CDH12: variants seen among roughly 807,000 people sequenced by gnomAD.
CDH12 encodes the protein cadherin 12.
A neutral mutation model predicts 74.1 loss-of-function variants in CDH12; 41 were observed. The observed-to-expected ratio is 0.55, with a 90% CI of 0.43 to 0.72. CDH12 has a LOEUF of 0.72. CDH12 is among the 30% of genes least tolerant of loss of function. CDH12 has a pLI of 0.00. For missense variants in CDH12, 945 were observed against 977.2 expected, an observed-to-expected ratio of 0.97 and a Z score of 0.44; for synonymous variants, 399 against 355.0, an observed-to-expected ratio of 1.12 and a Z score of -1.39.
chr5:21,872,999 T>C (rs1003255507), intron 6 of CDH12, among the ~76,000 whole-genome samples: 1 of 152,048 alleles, frequency 6.6e-6, no homozygotes, highest in South Asian at 2.1e-4. Flanking sequence ...ATGTGTATTA[T>C]ATATATGCAT....
chr5:22,257,805 T>G (rs867089722), intron 3 of CDH12, among the ~76,000 whole-genome samples: 3 of 152,086 alleles, frequency 2.0e-5, no homozygotes, highest in Admixed American at 6.6e-5. Context: ...TGCAAATTTT[T>G]TTTGTGTGTG....
intron 11 of CDH12, among the ~76,000 whole-genome samples, chr5:21,782,626 A>G (rs1233917515): frequency 6.6e-6 from 1 of 152,202 alleles, no homozygotes. Context: ...GACCATAAGT[A>G]AAAGGAATGG....
chr5:22,702,316 T>C (rs1293823055), intron 1 of CDH12, among the ~76,000 whole-genome samples: 1 of 152,122 alleles, frequency 6.6e-6, no homozygotes, highest in Non-Finnish European at 1.5e-5. Context: ...AGAAAGTTCA[T>C]ATTTCGTCAC....
intron 1 of CDH12, among the ~76,000 whole-genome samples, chr5:22,519,262 A>C (rs1015920742): frequency 6.6e-6 from 1 of 152,072 alleles, no homozygotes; most frequent in Non-Finnish European, 1.5e-5. Context: ...TGTTTTTTTA[A>C]AAGTATCTAT....
At chr5:22,122,184 C>T (rs1330357126) in intron 4 of CDH12, among the ~76,000 whole-genome samples, 1 of 152,102 alleles carries the variant, frequency 6.6e-6, no homozygotes, top group Non-Finnish European at 1.5e-5. Flanking sequence ...GGGTGAATCA[C>T]CTGAGGTCAG....
In CDH12 at chr5:21,752,020, G is replaced by C. The variant is rs1380331366; in HGVS notation, c.2102C>G (p.Pro701Arg). The C allele has an allele frequency of 6.2e-7, 1 of 1,614,076 alleles. No homozygotes were observed. Among genetic ancestry groups the C allele is most frequent in the Non-Finnish European group, 8.5e-7 (1 of 1,179,988 alleles). Reference sequence around the variant, plus strand: ...ATCTTCCATGGGTGGTCTCTGACGAGGTAAACAGAGAGAGTCTGGTTTTAT... The same window carrying C: ...ATCTTCCATGGGTGGTCTCTGACGACGTAAACAGAGAGAGTCTGGTTTTAT... Reference protein sequence around the residue: ...RDIKPDSLCLPRQRPPMEDNT... With the variant: ...RDIKPDSLCLRRQRPPMEDNT... Residue 701 changes from proline to arginine, a missense_variant, in exon 15 of 15, where the codon CCT becomes CGT. Physicochemically the swap from Pro to Arg is moderately radical, Grantham distance 103. Around this residue, in one of 3 missense-constraint regions of CDH12, gnomAD observed 791 missense variants for 792.8 expected, o/e 1.00. Transcript: ENST00000382254.
chr5:22,438,064 G>T (rs1315837175), intron 2 of CDH12, among the ~76,000 whole-genome samples: 1 of 151,842 alleles, frequency 6.6e-6, no homozygotes, highest in Non-Finnish European at 1.5e-5. Context: ...ACAATAATCA[G>T]AATCTATGGC....
At chr5:22,103,039 G>A (rs1341130728) in intron 4 of CDH12, among the ~76,000 whole-genome samples, 2 of 152,112 alleles carry the variant, frequency 1.3e-5, no homozygotes, top group Non-Finnish European at 2.9e-5. Flanking sequence ...GCTCGTGTAC[G>A]TTTCCCACTC....
intron 6 of CDH12, among the ~76,000 whole-genome samples, chr5:21,926,910 G>A (rs996269573): frequency 6.6e-6 from 1 of 152,156 alleles, no homozygotes; most frequent in Non-Finnish European, 1.5e-5. Context: ...AAAACATGGA[G>A]GAGGAGTTGG....
chr5:22,003,824 CAAAAAAAAAA>C lies in CDH12; in HGVS notation c.232-28449_232-28440del, dbSNP rs775995801. Among the ~76,000 whole-genome samples, 56 of 47,388 alleles carry C rather than the reference CAAAAAAAAAA, an allele frequency of 1.2e-3. No individual in the cohort carries two copies. The East Asian group carries it at 0.034, about 29-fold the overall frequency. 31.1% of individuals were successfully genotyped at this position (47,388 alleles called of 152,430 possible). A position where few individuals can be genotyped will look rare whatever the true frequency, so the allele number is the denominator to read the frequency against. The stretch of plus-strand genomic sequence containing the variant: ...AATGATCAGCAGGCCCCCGCTTCCA[CAAAAAAAAAA>C]AAAAAAAAAAAAAAGGATTTACATT... On this transcript the variant is annotated intron_variant, in intron 5 of 14. Transcript: ENST00000382254.
At chr5:22,176,212 T>C (rs1185798093) in intron 4 of CDH12, among the ~76,000 whole-genome samples, 1 of 152,000 alleles carries the variant, frequency 6.6e-6, no homozygotes, top group Admixed American at 6.6e-5. Context: ...TATATCTGAA[T>C]GCAGTGGCAA....
In CDH12 at chr5:22,836,128, G is replaced by T. The variant is rs577675578; in HGVS notation, c.-523+16930C>A. Among the ~76,000 whole-genome samples, 4 of 151,118 alleles carry T rather than the reference G, an allele frequency of 2.6e-5. No homozygotes were observed. In the East Asian group the frequency reaches 7.8e-4, roughly 29 times the overall value. Reference sequence around the variant, plus strand: ...AATTTCAAATAGTGCAAGAGGATTTGGACAAGGAATCAATGCCTACTCTAA... The same window carrying T: ...AATTTCAAATAGTGCAAGAGGATTTTGACAAGGAATCAATGCCTACTCTAA... On this transcript the variant is annotated intron_variant, in intron 1 of 14. Transcript: ENST00000382254.
At chr5:22,472,419 A>G (rs10941954) in intron 2 of CDH12, among the ~76,000 whole-genome samples, 83,413 of 151,902 alleles carry the variant, frequency 0.55, 23,121 homozygotes, top group Admixed American at 0.69. Flanking sequence ...CAGGACTGTG[A>G]CTGTCAGTGC....
At chr5:22,473,553 T>C (rs1002089305) in intron 2 of CDH12, among the ~76,000 whole-genome samples, 2 of 152,142 alleles carry the variant, frequency 1.3e-5, no homozygotes, top group Admixed American at 1.3e-4. Flanking sequence ...AATGATGATA[T>C]AGAAGTAATG....
At chr5:22,696,230 G>A (rs190017973) in intron 1 of CDH12, among the ~76,000 whole-genome samples, 9 of 152,026 alleles carry the variant, frequency 5.9e-5, no homozygotes, top group Admixed American at 1.3e-4. Flanking sequence ...AATTAGCCGG[G>A]CGTGGTGGCG....
intron 6 of CDH12, among the ~76,000 whole-genome samples, chr5:21,974,553 T>C (rs138205685): frequency 0.013 from 2,006 of 152,272 alleles, 14 homozygotes; most frequent in African/African-American, 0.024. Flanking sequence ...ACATTATTCA[T>C]TTGCTGCTTG....
At chr5:22,690,133 A>G (rs1373016215) in intron 1 of CDH12, among the ~76,000 whole-genome samples, 1 of 152,146 alleles carries the variant, frequency 6.6e-6, no homozygotes, top group Non-Finnish European at 1.5e-5. Context: ...ACAAACAGAA[A>G]TATGAAGAAT....
chr5:22,132,771 G>A (rs1163787683), intron 4 of CDH12, among the ~76,000 whole-genome samples: 4 of 152,068 alleles, frequency 2.6e-5, no homozygotes, highest in Non-Finnish European at 5.9e-5. Flanking sequence ...GAGTGAGGGA[G>A]TCTCAGGGTT....
intron 3 of CDH12, among the ~76,000 whole-genome samples, chr5:22,340,297 T>C (rs1188536974): frequency 6.6e-6 from 1 of 152,020 alleles, no homozygotes; most frequent in African/African-American, 2.4e-5. Context: ...GAGGCTGAGG[T>C]GGGCGGATCA....
Sources: gnomAD v4.1 joint callset for allele counts (sites outside exome capture counted in the v4.1 genomes callset) on GRCh38, gnomAD v4.1.1 for gene constraint, gnomAD v4.1.1 regional missense constraint, MANE v1.5 for transcripts, NCBI Gene and HGNC (gene_info 2026-07-23, HGNC 2026-07-21) for gene names.